Variants in WWOX observed in about 807,000 individuals in gnomAD.
WWOX encodes WW domain containing oxidoreductase, also known as WW domain-containing oxidoreductase.
In WWOX, 69 loss-of-function variants were observed where a neutral mutation model predicts 46.2. The observed-to-expected ratio is 1.49, with a 90% CI of 1.23 to 1.82. The LOEUF is 1.82. Among genes scored for constraint, WWOX ranks in the 40% most tolerant of loss-of-function variants. WWOX has a pLI of 0.00. For missense variants in WWOX, 919 were observed against 542.6 expected, an observed-to-expected ratio of 1.69 and a Z score of -6.89; for synonymous variants, 359 against 202.6, an observed-to-expected ratio of 1.77 and a Z score of -6.56.
chr16:78,459,201 G>T (rs769951504), intron 8 of WWOX, among the ~76,000 whole-genome samples: 2 of 152,178 alleles, frequency 1.3e-5, no homozygotes, highest in African/African-American at 4.8e-5. Context: ...TATTAATTTA[G>T]AGATTAAGAA....
chr16:78,807,665 A>G (rs1431873946), intron 8 of WWOX, among the ~76,000 whole-genome samples: 2 of 152,224 alleles, frequency 1.3e-5, no homozygotes, highest in Non-Finnish European at 2.9e-5. Flanking sequence ...GAAGGGCGCC[A>G]GCCTGTAATG....
chr16:78,731,900 T>G (rs1416535702), intron 8 of WWOX, among the ~76,000 whole-genome samples: 3 of 145,166 alleles, frequency 2.1e-5, no homozygotes, highest in Admixed American at 7.1e-5. Context: ...CAAGCTGGAG[T>G]GCAGTGGTGC....
intron 6 of WWOX, among the ~76,000 whole-genome samples, chr16:78,405,114 C>G (rs1022885939): frequency 2.0e-5 from 3 of 152,080 alleles, no homozygotes; most frequent in African/African-American, 7.2e-5. Context: ...AGGTAATGGA[C>G]ATGAGGCAAA....
At chr16:78,434,806 C>A (rs77332198) in intron 8 of WWOX, among the ~76,000 whole-genome samples, 2 of 151,910 alleles carry the variant, frequency 1.3e-5, no homozygotes, top group Non-Finnish European at 2.9e-5. Flanking sequence ...GTTGTAGACT[C>A]GAATGGATGA....
intron 8 of WWOX, among the ~76,000 whole-genome samples, chr16:79,152,062 T>C (rs779482155): frequency 1.4e-4 from 21 of 152,332 alleles, no homozygotes; most frequent in Non-Finnish European, 2.8e-4. Context: ...GATCTTACCA[T>C]ATCCCTTGTT....
intron 3 of WWOX, among the ~76,000 whole-genome samples, chr16:78,114,690 A>G (rs1054272988): frequency 2.6e-5 from 4 of 152,162 alleles, no homozygotes; most frequent in Non-Finnish European, 5.9e-5. Context: ...AACCTTCTCA[A>G]GAAGCCTTTT....
intron 8 of WWOX, among the ~76,000 whole-genome samples, chr16:79,164,682 C>G (rs58865296): frequency 0.039 from 5,917 of 152,262 alleles, 124 homozygotes; most frequent in East Asian, 0.14. Flanking sequence ...AAGGGCCGCT[C>G]TGACAGCTGC....
rs74036006 is a variant in WWOX at position 79,025,127 on chromosome 16, T to A, written c.1057-186481T>A. ...GTCAGGAAGGTGGGCTTGTTTTGTT[T>A]TGTTTTGTTTTGTTTTGCTTGTTGA... On this transcript the variant is annotated intron_variant, in intron 8 of 8. Transcript: ENST00000566780. Among the ~76,000 whole-genome samples, 186 of 151,722 alleles carry A rather than the reference T, an allele frequency of 1.2e-3. 1 individual carries two copies. Among genetic ancestry groups the A allele is most frequent in the Non-Finnish European group, 2.3e-3 (153 of 67,832 alleles).
At chr16:78,212,432 G>T (rs917860780) in intron 5 of WWOX, among the ~76,000 whole-genome samples, 4 of 152,196 alleles carry the variant, frequency 2.6e-5, no homozygotes, top group African/African-American at 9.6e-5. Flanking sequence ...GTGGTGATTT[G>T]CCAGGGGGAA....
chr16:78,904,653 C>A (rs1297115641), intron 8 of WWOX, among the ~76,000 whole-genome samples: 1 of 152,088 alleles, frequency 6.6e-6, no homozygotes, highest in African/African-American at 2.4e-5. Context: ...ATTTATCATC[C>A]ACACTGGCAC....
At chr16:78,514,031 T>A (rs1274555104) in intron 8 of WWOX, among the ~76,000 whole-genome samples, 1 of 152,166 alleles carries the variant, frequency 6.6e-6, no homozygotes, top group African/African-American at 2.4e-5. Flanking sequence ...GTCACAATTT[T>A]CTTTATATAG....
intron 8 of WWOX, among the ~76,000 whole-genome samples, chr16:79,029,776 C>T (rs1876976): frequency 3.3e-5 from 5 of 152,056 alleles, no homozygotes; most frequent in African/African-American, 1.2e-4. Flanking sequence ...TAATTGTACC[C>T]TGGATTTATT....
At chr16:78,475,478 G>A (rs1197864577) in intron 8 of WWOX, among the ~76,000 whole-genome samples, 1 of 152,200 alleles carries the variant, frequency 6.6e-6, no homozygotes. Context: ...TTGTTATAAG[G>A]TGGTCCTTTA....
chr16:79,126,085 C>T (rs1350482462), intron 8 of WWOX, among the ~76,000 whole-genome samples: 1 of 152,054 alleles, frequency 6.6e-6, no homozygotes, highest in Non-Finnish European at 1.5e-5. Flanking sequence ...AGGGAAGCAA[C>T]ATAATGTGCC....
At chr16:78,166,255 A>G (rs979672142) in intron 5 of WWOX, among the ~76,000 whole-genome samples, 1 of 151,834 alleles carries the variant, frequency 6.6e-6, no homozygotes, top group African/African-American at 2.4e-5. Flanking sequence ...ATAATATTCC[A>G]TCATGTGCTT....
At chr16:78,166,006 G>T (rs1337424172) in intron 5 of WWOX, among the ~76,000 whole-genome samples, 2 of 151,738 alleles carry the variant, frequency 1.3e-5, no homozygotes, top group Non-Finnish European at 2.9e-5. Context: ...GTACAAATGG[G>T]AATACGTGCA....
intron 8 of WWOX, among the ~76,000 whole-genome samples, chr16:78,902,197 T>C (rs1457108833): frequency 2.0e-5 from 3 of 152,222 alleles, no homozygotes; most frequent in African/African-American, 7.2e-5. Flanking sequence ...CGGTGGTGTC[T>C]GAAACCATCC....
At chr16:78,526,200 G>T (rs75596044) in intron 8 of WWOX, 6,844 of 152,370 alleles carry the variant, frequency 0.045, 205 homozygotes, top group Non-Finnish European at 0.067. Flanking sequence ...CTAGGGAGTA[G>T]CGGGGCAGAA....
chr16:79,026,689 C>T (rs965314382), intron 8 of WWOX, among the ~76,000 whole-genome samples: 7 of 144,846 alleles, frequency 4.8e-5, no homozygotes, highest in African/African-American at 1.6e-4. Flanking sequence ...GCGATCTCAG[C>T]TCACTGCAAC....
Sources: gnomAD v4.1 joint callset for allele counts (sites outside exome capture counted in the v4.1 genomes callset) on GRCh38, gnomAD v4.1.1 for gene constraint, MANE v1.5 for transcripts, NCBI Gene and HGNC (gene_info 2026-07-23, HGNC 2026-07-21) for gene names.